Variants in BTBD2 observed in about 807,000 individuals in gnomAD.
BTBD2 encodes BTB domain containing 2, also known as BTB/POZ domain-containing protein 2.
In BTBD2, 15 loss-of-function variants were observed where a neutral mutation model predicts 44.0. The observed-to-expected ratio is 0.34, with a 90% CI of 0.23 to 0.53. The LOEUF (loss-of-function observed/expected upper bound fraction) is 0.53. BTBD2 is among the 20% of genes least tolerant of loss of function. The pLI is 0.95. For missense variants in BTBD2, 657 were observed against 746.4 expected (o/e 0.88, Z 1.39); for synonymous variants, 443 against 335.9 (o/e 1.32, Z -3.49).
rs2016080071 is a variant in BTBD2, at chr19:1,986,313, T to G, written c.*175A>C. On this transcript the variant is annotated 3_prime_UTR_variant, in exon 9 of 9. Transcript: ENST00000255608. ...GGCTGCCCTGATCCAGCAGCCACAC[T>G]CGTGGTGAACACAGGGCAACCCCGT... The G allele has an allele frequency of 5.1e-6, 4 of 777,808 alleles. No homozygotes were observed. In the South Asian group the frequency reaches 7.0e-5, roughly 14 times the overall value. The allele number at this position is 777,808 out of a possible 1,614,324, so 48.2% of individuals were successfully genotyped here. A position where few individuals can be genotyped will look rare whatever the true frequency, so the allele number is the denominator to read the frequency against.
At chr19:1,994,123 C>A (rs1440422284) in intron 2 of BTBD2, among the ~76,000 whole-genome samples, 1 of 150,188 alleles carries the variant, frequency 6.7e-6, no homozygotes, top group Non-Finnish European at 1.5e-5. Context: ...TAGAGACTAG[C>A]CTGGCCGACA....
chr19:1,994,401 G>A (rs191916853), intron 2 of BTBD2, among the ~76,000 whole-genome samples: 66 of 151,898 alleles, frequency 4.3e-4, no homozygotes, highest in African/African-American at 1.5e-3. Flanking sequence ...AGGCAGAGGC[G>A]AGAGGATTGC....
intron 4 of BTBD2, 137 bp from the exon 5 acceptor site, chr19:1,990,338 AGT>A (rs1464303859): frequency 5.6e-6 from 5 of 888,352 alleles, no homozygotes; most frequent in Non-Finnish European, 8.6e-6. Flanking sequence ...TGGCCCTGTG[AGT>A]GTGTTTATAA....
chr19:1,995,640 A>T (rs1234941189), intron 2 of BTBD2, among the ~76,000 whole-genome samples: 8 of 126,258 alleles, frequency 6.3e-5, no homozygotes, highest in African/African-American at 1.2e-4. Context: ...ACTTTGATCT[A>T]TTTTTTTTTT....
At chr19:1,994,271 G>C (rs149961604) in intron 2 of BTBD2, among the ~76,000 whole-genome samples, 1 of 151,204 alleles carries the variant, frequency 6.6e-6, no homozygotes, top group South Asian at 2.1e-4. Context: ...AGCCAAGATC[G>C]TATCACTGCA....
At chr19:1,990,673 G>A (rs778138953) in intron 4 of BTBD2, 44 bp downstream of exon 4, 72 of 1,467,166 alleles carry the variant, frequency 4.9e-5, no homozygotes, top group South Asian at 8.7e-5. Context: ...CCCTCCCGCC[G>A]AGGCCCCGCT....
At chr19:2,005,579 C>T (rs990066372) in intron 1 of BTBD2, among the ~76,000 whole-genome samples, 3 of 151,866 alleles carry the variant, frequency 2.0e-5, no homozygotes, top group Non-Finnish European at 4.4e-5. Context: ...GTCAGGAGTT[C>T]GAGACCAGCC....
intron 6 of BTBD2, 56 bp from the exon 7 acceptor site, chr19:1,987,309 G>A: frequency 6.3e-7 from 1 of 1,584,310 alleles, no homozygotes; most frequent in Non-Finnish European, 8.6e-7. Flanking sequence ...CCTAAGGTGA[G>A]CTGGGGCGAG....
Position 1,986,257 on chromosome 19 carries a change from A to C in BTBD2, c.*231T>G, listed in dbSNP as rs2016078988. ...CCTAGTCCTGAGGGATTGTCTCCAC[A>C]GGGCCTGGCCACTGGCCTGGCCACC... On this transcript the variant is annotated 3_prime_UTR_variant, in exon 9 of 9. Coordinates refer to ENST00000255608, the MANE Select transcript of BTBD2 (RefSeq NM_017797.4). The C allele has an allele frequency of 3.5e-6, 2 of 572,432 alleles. No homozygotes were observed. The highest frequency in any genetic ancestry group is 6.2e-6 in the Non-Finnish European group (2 of 322,190). The allele number at this position is 572,432 out of a possible 1,614,324, so 35.5% of individuals were successfully genotyped here.
At chr19:2,010,263 G>A (rs561435763) in intron 1 of BTBD2, among the ~76,000 whole-genome samples, 4 of 152,354 alleles carry the variant, frequency 2.6e-5, no homozygotes, top group African/African-American at 9.6e-5. Flanking sequence ...CCCCATGAGA[G>A]AATCAGATGT....
intron 1 of BTBD2, among the ~76,000 whole-genome samples, chr19:1,998,588 G>A (rs58357087): frequency 6.6e-6 from 1 of 152,214 alleles, no homozygotes; most frequent in African/African-American, 2.4e-5. Context: ...GCGGTGAGCA[G>A]AGAAAGGCTG....
chr19:1,999,312 G>C (rs1031962231), intron 1 of BTBD2, among the ~76,000 whole-genome samples: 3 of 152,210 alleles, frequency 2.0e-5, no homozygotes, highest in Non-Finnish European at 4.4e-5. Flanking sequence ...TGCTAACTCC[G>C]TGAGTCAGGA....
rs1438412408 is a variant in BTBD2, at chr19:2,015,290, C to A, written c.407+7G>T. On this transcript the variant is annotated splice_region_variant and intron_variant, in intron 1 of 8. Coordinates refer to ENST00000255608, the MANE Select transcript of BTBD2 (RefSeq NM_017797.4). ...GGGGCCAGGGCTGGCGGGGTCGGGG[C>A]GCCCACCTGTGCGCGGGGATGCGCT... 1.9e-6 allele frequency: 3 copies of A among 1,544,198 alleles called. No individual in the cohort carries two copies. The highest frequency in any genetic ancestry group is 2.6e-6 in the Non-Finnish European group (3 of 1,151,896).
In BTBD2 at chr19:1,990,826, G is replaced by T; in HGVS notation, c.685-4C>A. The T allele has an allele frequency of 6.4e-7, 1 of 1,557,890 alleles. No homozygotes were observed. Among genetic ancestry groups the T allele is most frequent in the Non-Finnish European group, 8.7e-7 (1 of 1,154,440 alleles). On this transcript the variant is annotated splice_polypyrimidine_tract_variant and splice_region_variant and intron_variant, in intron 3 of 8. Coordinates refer to ENST00000255608, the MANE Select transcript of BTBD2 (RefSeq NM_017797.4). ...GCGGTTCATCGAAGAGTCGCGCCTGGCAAGAGACATCGACGGGGGGCGCGG... is the reference window on the plus strand; with the variant it reads ...GCGGTTCATCGAAGAGTCGCGCCTGTCAAGAGACATCGACGGGGGGCGCGG...
rs550642747 is a variant in BTBD2, at chr19:1,993,761, T to C, written c.528-585A>G. On this transcript the variant is annotated intron_variant, in intron 2 of 8. Coordinates refer to ENST00000255608, the MANE Select transcript of BTBD2 (RefSeq NM_017797.4). The stretch of plus-strand genomic sequence containing the variant: ...CTGTAACCCCAGCACTTTGGGAGGC[T>C]GAGGCGGGCAGATCGCCTGAGGTCA... Among the ~76,000 whole-genome samples, 393 of 145,640 alleles carry C rather than the reference T, an allele frequency of 2.7e-3. 1 individual carries two copies. The highest frequency in any genetic ancestry group is 9.0e-3 in the African/African-American group (353 of 39,170).
chr19:1,992,696 C>A (rs1291000351), intron 3 of BTBD2, among the ~76,000 whole-genome samples: 1 of 152,122 alleles, frequency 6.6e-6, no homozygotes, highest in Non-Finnish European at 1.5e-5. Flanking sequence ...CTCAGCCTCC[C>A]AAGTAGCTGG....
chr19:2,009,891 C>T (rs1045793136), intron 1 of BTBD2, among the ~76,000 whole-genome samples: 6 of 151,816 alleles, frequency 4.0e-5, no homozygotes, highest in Middle Eastern at 3.4e-3. Context: ...CGGTGGCTCA[C>T]GCCTGTAATC....
intron 2 of BTBD2, among the ~76,000 whole-genome samples, chr19:1,994,333 TAAAAA>T (rs1024085207): frequency 1.3e-5 from 2 of 149,672 alleles, no homozygotes; most frequent in African/African-American, 4.9e-5. Flanking sequence ...AAATAAAAAA[TAAAAA>T]AATGTCTCCA....
chr19:1,987,394 T>C (rs570181514), intron 6 of BTBD2, 106 bp downstream of exon 6: 2 of 907,208 alleles, frequency 2.2e-6, no homozygotes, highest in African/African-American at 2.2e-5. Flanking sequence ...CCCGCCGTCT[T>C]CATCATCCCT....
Sources: allele counts gnomAD v4.1 joint callset (sites outside exome capture counted in the v4.1 genomes callset), GRCh38; gene constraint gnomAD v4.1.1; transcripts MANE v1.5; gene names NCBI Gene and HGNC (gene_info 2026-07-23, HGNC 2026-07-21).